CAB39: variants seen among roughly 807,000 people sequenced by gnomAD.
CAB39 encodes the protein calcium binding protein 39.
In CAB39, 8 loss-of-function variants were observed where a neutral mutation model predicts 40.0. That is an observed-to-expected ratio of 0.20 (90% CI 0.12 to 0.36). CAB39 has a LOEUF of 0.36. CAB39 is among the 10% of genes least tolerant of loss of function. The probability of loss-of-function intolerance (pLI) is 1.00; values close to 1 mark genes in which losing one functional copy is unlikely to be tolerated. For synonymous variants in CAB39, 156 were observed against 141.6 expected, an observed-to-expected ratio of 1.10 and a Z score of -0.72; for missense variants, 270 against 401.1, an observed-to-expected ratio of 0.67 and a Z score of 2.79.
At chr2:230,763,837 G>C (rs1216685135) in intron 2 of CAB39, among the ~76,000 whole-genome samples, 1 of 151,866 alleles carries the variant, frequency 6.6e-6, no homozygotes, top group African/African-American at 2.4e-5. Context: ...AAGTACAAAT[G>C]GTGGCTGGGC....
At chr2:230,777,997 G>A (rs527858304) in intron 2 of CAB39, among the ~76,000 whole-genome samples, 55 of 152,116 alleles carry the variant, frequency 3.6e-4, no homozygotes, top group Non-Finnish European at 6.5e-4. Context: ...TACCAGTGGC[G>A]TATCTAAAAG....
At chr2:230,795,349 A>G (rs1203953256) in intron 4 of CAB39, among the ~76,000 whole-genome samples, 1 of 151,668 alleles carries the variant, frequency 6.6e-6, no homozygotes, top group Non-Finnish European at 1.5e-5. Context: ...CTTTTAATCT[A>G]TAATAGTTAA....
At chr2:230,773,930 C>CTAA (rs1695538034) in intron 2 of CAB39, among the ~76,000 whole-genome samples, 1 of 152,076 alleles carries the variant, frequency 6.6e-6, no homozygotes, top group African/African-American at 2.4e-5. Flanking sequence ...ACTAGGTGAC[C>CTAA]ACTTAGTTAA....
At chr2:230,799,911 A>G (rs1207485933) in intron 5 of CAB39, among the ~76,000 whole-genome samples, 1 of 151,344 alleles carries the variant, frequency 6.6e-6, no homozygotes, top group Non-Finnish European at 1.5e-5. Flanking sequence ...AATCGCTTGA[A>G]CCCAGGAGAC....
intron 5 of CAB39, among the ~76,000 whole-genome samples, chr2:230,808,798 C>T (rs999584246): frequency 6.6e-6 from 1 of 152,206 alleles, no homozygotes; most frequent in Non-Finnish European, 1.5e-5. Flanking sequence ...GAAACCTTCT[C>T]AAAAGCATAC....
At chr2:230,737,544 T>G (rs879469341) in intron 1 of CAB39, among the ~76,000 whole-genome samples, 2 of 152,242 alleles carry the variant, frequency 1.3e-5, no homozygotes, top group Non-Finnish European at 2.9e-5. Context: ...ACGAAAATGA[T>G]CATCTCTGTT....
At chr2:230,718,591 TA>T (rs1371258471) in intron 1 of CAB39, among the ~76,000 whole-genome samples, 1 of 152,198 alleles carries the variant, frequency 6.6e-6, no homozygotes, top group African/African-American at 2.4e-5. Context: ...CCTTGGATGG[TA>T]ATAGTAGACC....
intron 2 of CAB39, among the ~76,000 whole-genome samples, chr2:230,774,848 C>A (rs1003356310): frequency 1.3e-5 from 2 of 151,534 alleles, no homozygotes; most frequent in African/African-American, 4.9e-5. Context: ...ACTATGCAGA[C>A]ATTTTCTTTA....
intron 6 of CAB39, among the ~76,000 whole-genome samples, chr2:230,812,367 G>T (rs1696320757): frequency 6.6e-6 from 1 of 152,114 alleles, no homozygotes. Context: ...GGGAGGACAG[G>T]TATCTAGGTT....
At chr2:230,799,758 AGGC>A (rs1040930997) in intron 5 of CAB39, among the ~76,000 whole-genome samples, 7 of 152,202 alleles carry the variant, frequency 4.6e-5, no homozygotes, top group African/African-American at 1.7e-4. Flanking sequence ...TAAGAGGCTG[AGGC>A]GGGCGGATGA....
At chr2:230,734,234 C>T (rs1207478179) in intron 1 of CAB39, among the ~76,000 whole-genome samples, 1 of 152,214 alleles carries the variant, frequency 6.6e-6, no homozygotes, top group African/African-American at 2.4e-5. Flanking sequence ...AATACAGGCA[C>T]TTTTAAGACT....
At chr2:230,783,759 C>T (rs924360213) in intron 2 of CAB39, among the ~76,000 whole-genome samples, 2 of 152,056 alleles carry the variant, frequency 1.3e-5, no homozygotes, top group African/African-American at 4.8e-5. Context: ...GCCTTGGCCT[C>T]CCAAAGTGCT....
chr2:230,763,205 C>T (rs74372337), intron 2 of CAB39, among the ~76,000 whole-genome samples: 2 of 152,058 alleles, frequency 1.3e-5, no homozygotes, highest in African/African-American at 2.4e-5. Flanking sequence ...TGAAAATCTC[C>T]GTGTCTGGCT....
At chr2:230,783,009 T>TGTTTTG (rs1261936356) in intron 2 of CAB39, among the ~76,000 whole-genome samples, 1 of 151,904 alleles carries the variant, frequency 6.6e-6, no homozygotes, top group African/African-American at 2.4e-5. Context: ...TTTTTGTTTT[T>TGTTTTG]AGTAGAGACG....
At chr2:230,728,426 C>T (rs1002459899) in intron 1 of CAB39, among the ~76,000 whole-genome samples, 46 of 151,928 alleles carry the variant, frequency 3.0e-4, no homozygotes, top group Admixed American at 3.0e-3. Context: ...TCTCCAGCCT[C>T]AGCCTCCCAA....
chr2:230,756,767 A>G (rs1695200118), intron 1 of CAB39, among the ~76,000 whole-genome samples: 1 of 151,478 alleles, frequency 6.6e-6, no homozygotes, highest in Admixed American at 6.6e-5. Flanking sequence ...ATCTTAGCTC[A>G]CTGCAACCTC....
chr2:230,818,668 C>G lies in CAB39; in HGVS notation c.990C>G (p.Ile330Met). 1.2e-6 allele frequency: 2 copies of G among 1,614,060 alleles called. No individual in the cohort carries two copies. The highest frequency in any genetic ancestry group is 1.3e-5 in the African/African-American group (1 of 75,032). ...AGAAGACCTATTTAGTTAAACAGAT[C>G]AGGGATTTGAAGAGACCAGCTCAGC... ...NDEKTYLVKQ[I>M]RDLKRPAQQE... Residue 330 changes from isoleucine (I) to methionine (M), a missense_variant, in exon 9 of 9, where the codon ATC becomes ATG. Transcript: ENST00000258418.
chr2:230,735,807 G>A (rs1485171150), intron 1 of CAB39, among the ~76,000 whole-genome samples: 1 of 152,150 alleles, frequency 6.6e-6, no homozygotes, highest in Non-Finnish European at 1.5e-5. Flanking sequence ...GAGCTACCAT[G>A]CCCAACAACA....
chr2:230,715,750 C>T (rs1467212), intron 1 of CAB39, among the ~76,000 whole-genome samples: 37,399 of 152,162 alleles, frequency 0.25, 9,393 homozygotes, highest in African/African-American at 0.65. Flanking sequence ...TCGCTCAGGC[C>T]GGAGTGCAGT....
Sources: allele counts gnomAD v4.1 joint callset (sites outside exome capture counted in the v4.1 genomes callset), GRCh38; gene constraint gnomAD v4.1.1; transcripts MANE v1.5; gene names NCBI Gene and HGNC (gene_info 2026-07-23, HGNC 2026-07-21).